Variants in SAFB observed in about 807,000 individuals in gnomAD.
SAFB encodes scaffold attachment factor B1.
In SAFB, 15 loss-of-function variants were observed where a neutral mutation model predicts 101.6. The observed-to-expected ratio is 0.15, with a 90% confidence interval of 0.10 to 0.23. The LOEUF is 0.23. Among genes scored for constraint, SAFB ranks in the 10% least tolerant of loss-of-function variants. SAFB has a pLI of 1.00. For missense variants in SAFB, 930 were observed against 1,104.1 expected (o/e 0.84, Z 2.23); for synonymous variants, 449 against 407.5 (o/e 1.10, Z -1.23).
At chr19:5,664,922 G>A (rs535988981) in intron 17 of SAFB, 6 of 165,352 alleles carry the variant, frequency 3.6e-5, no homozygotes, top group South Asian at 3.1e-4. Context: ...CATTCTCTTC[G>A]GGGGCTAGCA....
chr19:5,661,730 A>C lies in SAFB; in HGVS notation c.2075A>C (p.Glu692Ala). 1 of 1,593,968 alleles carries C rather than the reference A, an allele frequency of 6.3e-7. No homozygotes were observed. Among genetic ancestry groups the C allele is most frequent in the Non-Finnish European group, 8.5e-7 (1 of 1,172,494 alleles). The change falls in exon 15 of 21, where the codon GAG becomes GCG. Residue 692 changes from glutamate (E) to alanine (A), a missense_variant. This residue lies in a region of SAFB where 159 missense variants were observed against 234.1 expected (regional missense o/e 0.68). Transcript: ENST00000588852. ...REQERIHREREELRRQQELRY... is the reference protein window; with the variant it reads ...REQERIHRERAELRRQQELRY... ...CAGGAGCGCATCCACCGTGAGCGCGAGGAGCTGAGGCGCCAGCAGGAACTG... is the reference window on the plus strand; with the variant it reads ...CAGGAGCGCATCCACCGTGAGCGCGCGGAGCTGAGGCGCCAGCAGGAACTG...
At chr19:5,656,599 C>CA (rs2054067538) in intron 13 of SAFB, among the ~76,000 whole-genome samples, 1 of 101,520 alleles carries the variant, frequency 9.9e-6, no homozygotes, top group Admixed American at 1.1e-4. Flanking sequence ...TTTTTTTTGT[C>CA]AGAGTATCGC....
intron 1 of SAFB, chr19:5,623,906 A>G (rs897297158): frequency 6.5e-6 from 1 of 153,192 alleles, no homozygotes; most frequent in African/African-American, 2.4e-5. Context: ...TACAAAGGAA[A>G]CACCCGTAGG....
intron 9 of SAFB, among the ~76,000 whole-genome samples, chr19:5,651,965 G>A (rs1340887765): frequency 6.6e-6 from 1 of 152,244 alleles, no homozygotes; most frequent in Non-Finnish European, 1.5e-5. Context: ...GGAGGCCGAG[G>A]TGGGTGGATC....
Position 5,667,738 on chromosome 19 carries a change from A to G in SAFB, c.2558-82A>G. On this transcript the variant is annotated intron_variant, in intron 19 of 20. Coordinates refer to ENST00000588852, the MANE Select transcript of SAFB (RefSeq NM_001201338.2). This position sits in a 1 kb window ranked among gnomAD's most constrained non-coding sequence, Gnocchi z 4.0. Reference sequence around the variant, plus strand: ...TGTGGGTACCTGGGGGCCTCACCAAAGGGAGTGGAGTGGGCTAAATGTGCC... The same window carrying G: ...TGTGGGTACCTGGGGGCCTCACCAAGGGGAGTGGAGTGGGCTAAATGTGCC... 2.8e-6 allele frequency: 4 copies of G among 1,414,236 alleles called. No homozygotes were observed. Among genetic ancestry groups the G allele is most frequent in the Non-Finnish European group, 4.0e-6 (4 of 1,006,476 alleles). The allele number at this position is 1,414,236 out of a possible 1,614,324, so 87.6% of individuals were successfully genotyped here. A position where few individuals can be genotyped will look rare whatever the true frequency, so the allele number is the denominator to read the frequency against.
At position 5,668,272 on chromosome 19, in the gene SAFB, G is replaced by A. The variant is rs764621843; in HGVS notation, c.2735G>A (p.Arg912His). The A allele has an allele frequency of 1.2e-5, 20 of 1,611,718 alleles. No individual in the cohort carries two copies. The East Asian group carries it at 2.2e-4, about 18-fold the overall frequency. Residue 912 changes from arginine (R) to histidine (H), a missense_variant, in exon 21 of 21, where the codon CGC (arginine) becomes CAC (histidine). By Grantham distance (29) the Arg-to-His change is conservative. Coordinates refer to ENST00000588852, the MANE Select transcript of SAFB (RefSeq NM_001201338.2). ...QSRGSRPSDARFTRRY is the reference protein window; with the variant it reads ...QSRGSRPSDAHFTRRY ...CGGGGGAGCAGGCCCAGCGATGCCC[G>A]CTTCACTCGCCGCTACTGAGTACTT...
chr19:5,639,789 T>C (rs1274087772), intron 2 of SAFB, among the ~76,000 whole-genome samples: 1 of 152,084 alleles, frequency 6.6e-6, no homozygotes, highest in Non-Finnish European at 1.5e-5. Context: ...GTACATATGA[T>C]ATATAAACTT....
At chr19:5,640,794 T>C (rs2053692442) in intron 2 of SAFB, among the ~76,000 whole-genome samples, 1 of 152,188 alleles carries the variant, frequency 6.6e-6, no homozygotes, top group Non-Finnish European at 1.5e-5. Context: ...TTTCGTCAGG[T>C]TGGCCAGGCT....
intron 2 of SAFB, among the ~76,000 whole-genome samples, chr19:5,638,739 A>T (rs1429986019): frequency 1.5e-5 from 2 of 137,698 alleles, no homozygotes; most frequent in Non-Finnish European, 3.1e-5. Context: ...TTTTTTTTAA[A>T]GACAGTCTGT....
chr19:5,638,437 A>ACC (rs144901392), intron 2 of SAFB, among the ~76,000 whole-genome samples: 4 of 148,616 alleles, frequency 2.7e-5, no homozygotes, highest in African/African-American at 9.9e-5. Flanking sequence ...TCCTGCGTCA[A>ACC]CCCCCCCACC....
At chr19:5,633,554 C>G (rs557703225) in intron 2 of SAFB, among the ~76,000 whole-genome samples, 1 of 151,998 alleles carries the variant, frequency 6.6e-6, no homozygotes, top group African/African-American at 2.4e-5. Context: ...CCGAGGCAGG[C>G]GGATCATGAG....
chr19:5,626,230 G>A (rs548910759), intron 1 of SAFB, among the ~76,000 whole-genome samples, 175 bp from the exon 2 acceptor site: 194 of 152,234 alleles, frequency 1.3e-3, no homozygotes, highest in Admixed American at 4.0e-3. Context: ...GGCGTCAGTC[G>A]GTCTCCAGTG....
chr19:5,632,148 A>G (rs2145407010), intron 2 of SAFB, among the ~76,000 whole-genome samples: 1 of 152,332 alleles, frequency 6.6e-6, no homozygotes, highest in East Asian at 1.9e-4. Flanking sequence ...ATGTTTTGTA[A>G]CTGGAGATGC....
chr19:5,657,818 C>T (rs2054098750), intron 14 of SAFB, among the ~76,000 whole-genome samples: 1 of 152,118 alleles, frequency 6.6e-6, no homozygotes, highest in Non-Finnish European at 1.5e-5. Flanking sequence ...AGCCACTGCA[C>T]CCGGCCTACT....
At chr19:5,663,038 C>T (rs1246810409) in intron 15 of SAFB, among the ~76,000 whole-genome samples, 2 of 144,640 alleles carry the variant, frequency 1.4e-5, no homozygotes, top group Non-Finnish European at 3.1e-5. Flanking sequence ...GTTTTGCTTT[C>T]GTTGCCCAGG....
chr19:5,650,014 A>G, intron 8 of SAFB, 39 bp downstream of exon 8: 2 of 1,535,974 alleles, frequency 1.3e-6, no homozygotes, highest in South Asian at 1.1e-5. Context: ...TGGAGCATGT[A>G]TGGCCTGGGC....
At chr19:5,656,221 A>G (rs1377199289) in intron 13 of SAFB, among the ~76,000 whole-genome samples, 1 of 151,994 alleles carries the variant, frequency 6.6e-6, no homozygotes, top group African/African-American at 2.4e-5. Context: ...CTGTTCCCCT[A>G]TCACACCTAC....
intron 2 of SAFB, among the ~76,000 whole-genome samples, chr19:5,637,401 C>T (rs2053618247): frequency 6.6e-6 from 1 of 151,228 alleles, no homozygotes; most frequent in Non-Finnish European, 1.5e-5. Context: ...TGCCTGTAAT[C>T]CCAGCACTTT....
intron 13 of SAFB, among the ~76,000 whole-genome samples, chr19:5,655,046 G>T (rs905112615): frequency 6.6e-6 from 1 of 152,108 alleles, no homozygotes; most frequent in Non-Finnish European, 1.5e-5. Context: ...GCACCTCCCC[G>T]TGATGCATTC....
Sources: gnomAD v4.1 joint callset for allele counts (sites outside exome capture counted in the v4.1 genomes callset) on GRCh38, gnomAD v4.1.1 for gene constraint, gnomAD v4.1.1 regional missense constraint, Gnocchi (gnomAD v3.1) non-coding constraint, MANE v1.5 for transcripts, NCBI Gene and HGNC (gene_info 2026-07-23, HGNC 2026-07-21) for gene names.